The following ASAH2 variants were observed in gnomAD, a reference collection of about 807,000 sequenced individuals.
ASAH2 encodes N-acylsphingosine amidohydrolase 2.
In ASAH2, 58 loss-of-function variants were observed where a neutral mutation model predicts 82.9. The observed-to-expected ratio is 0.70, with a 90% CI of 0.57 to 0.87. ASAH2 has a LOEUF of 0.87. Ranked by LOEUF, ASAH2 falls within the 40% of genes least tolerant of loss-of-function variation. The probability of loss-of-function intolerance (pLI) is 0.00; values close to 1 mark genes in which losing one functional copy is unlikely to be tolerated. For synonymous variants in ASAH2, 276 were observed against 289.7 expected (o/e 0.95, Z 0.48); for missense variants, 779 against 834.0 (o/e 0.93, Z 0.81).
chr10:50,249,593 T>G (rs1486686756), intron 1 of ASAH2, among the ~76,000 whole-genome samples: 12 of 152,352 alleles, frequency 7.9e-5, no homozygotes, highest in Admixed American at 7.2e-4. Context: ...AATAGGAATA[T>G]GATTATGATC....
intron 12 of ASAH2, 35 bp from the exon 13 acceptor site, chr10:50,206,132 AAC>A (rs1845289350): frequency 2.1e-6 from 3 of 1,430,980 alleles, no homozygotes; most frequent in Non-Finnish European, 3.0e-6. Context: ...TACTTCCTTG[AAC>A]CAACCCTCTC....
intron 1 of ASAH2, among the ~76,000 whole-genome samples, chr10:50,249,930 C>T (rs1203392924): frequency 6.6e-6 from 1 of 152,094 alleles, no homozygotes; most frequent in Non-Finnish European, 1.5e-5. Context: ...GATGCTGCTA[C>T]CCCCAAGAGT....
chr10:50,248,328 G>T (rs1846526794), intron 2 of ASAH2, among the ~76,000 whole-genome samples, 156 bp downstream of exon 2: 1 of 152,220 alleles, frequency 6.6e-6, no homozygotes, highest in Non-Finnish European at 1.5e-5. Context: ...TATCAATGCA[G>T]AATGGGCAAT....
chr10:50,216,197 C>T (rs2842112), intron 8 of ASAH2, among the ~76,000 whole-genome samples: 114,411 of 151,514 alleles, frequency 0.76, 45,445 homozygotes, highest in Non-Finnish European at 0.88. Flanking sequence ...AGGAGAAATA[C>T]CTAAGGTAGA....
intron 4 of ASAH2, among the ~76,000 whole-genome samples, chr10:50,236,831 T>G (rs1846172549): frequency 6.6e-6 from 1 of 152,154 alleles, no homozygotes; most frequent in Non-Finnish European, 1.5e-5. Flanking sequence ...CTCGTCTAAC[T>G]AGAGAACCAG....
At position 50,202,918 on chromosome 10, in the gene ASAH2, C is replaced by A. The variant is rs1189053980; in HGVS notation, c.1672G>T (p.Ala558Ser). Residue 558 changes from alanine to serine, a missense_variant, in exon 16 of 21, where the codon GCA (alanine) becomes TCA (serine). Transcript: ENST00000682911. ...RLREAVQAEF[A>S]SHGMQNMTVV... is the part of the protein sequence containing the mutation. ...GTCATGTTCTGCATCCCATGAGATG[C>A]AAATTCCTAGGAGAGAAAGGTAAAA... The A allele has an allele frequency of 1.9e-6, 3 of 1,606,358 alleles. No individual in the cohort carries two copies. Among genetic ancestry groups the A allele is most frequent in the Admixed American group, 1.7e-5 (1 of 59,846 alleles).
At chr10:50,220,160 A>G (rs1845704078) in intron 7 of ASAH2, among the ~76,000 whole-genome samples, 1 of 152,242 alleles carries the variant, frequency 6.6e-6, no homozygotes, top group Non-Finnish European at 1.5e-5. Context: ...TGATATAATC[A>G]GGGAAGACCG....
intron 3 of ASAH2, 97 bp downstream of exon 3, chr10:50,245,125 T>C (rs1395453534): frequency 9.5e-7 from 1 of 1,054,500 alleles, no homozygotes; most frequent in Non-Finnish European, 1.4e-6. Flanking sequence ...TAAAAGAAGA[T>C]AATGATGATG....
At chr10:50,247,265 G>T (rs1296598767) in intron 2 of ASAH2, among the ~76,000 whole-genome samples, 1 of 151,318 alleles carries the variant, frequency 6.6e-6, no homozygotes, top group Non-Finnish European at 1.5e-5. Flanking sequence ...CGATTCTCCT[G>T]CCTTGCCTCA....
intron 8 of ASAH2, 101 bp downstream of exon 8, chr10:50,218,409 T>C: frequency 4.6e-6 from 7 of 1,514,956 alleles, no homozygotes; most frequent in Non-Finnish European, 6.4e-6. Flanking sequence ...AGATTGATGA[T>C]GACACTTTAT....
At chr10:50,207,248 C>A (rs1845324550) in intron 12 of ASAH2, among the ~76,000 whole-genome samples, 1 of 151,672 alleles carries the variant, frequency 6.6e-6, no homozygotes, top group African/African-American at 2.4e-5. Context: ...AAACCAATAA[C>A]CTAACTTCCA....
intron 4 of ASAH2, chr10:50,240,472 C>A (rs1413310846): frequency 2.8e-6 from 2 of 702,220 alleles, no homozygotes; most frequent in African/African-American, 1.7e-5. Flanking sequence ...TATCAAACAT[C>A]CCTACCTGCT....
Position 50,213,077 on chromosome 10 carries a change from T to TG in ASAH2, c.1141-20dup. 6.3e-7 allele frequency: 1 copy of TG among 1,587,610 alleles called. No homozygotes were observed. ...TGCTAGGCTGGAACAAAATAAGATA[T>TG]GATGCATTCTTGGCCAAGTAAGAAA... is the stretch of plus-strand genomic sequence containing the variant. On this transcript the variant is annotated intron_variant, in intron 9 of 20. Coordinates refer to ENST00000682911, the MANE Select transcript of ASAH2 (RefSeq NM_019893.4).
intron 8 of ASAH2, among the ~76,000 whole-genome samples, chr10:50,218,046 C>A (rs536715889): frequency 6.6e-6 from 1 of 152,216 alleles, no homozygotes; most frequent in South Asian, 2.1e-4. Context: ...AGTTGCTGAA[C>A]CTGGGAGGCA....
chr10:50,193,300 C>T (rs1229048141), intron 18 of ASAH2, among the ~76,000 whole-genome samples: 2 of 151,818 alleles, frequency 1.3e-5, no homozygotes, highest in East Asian at 1.9e-4. Context: ...TTACGGGCCA[C>T]GGCAGAAGGA....
chr10:50,210,894 C>CGG lies in ASAH2; in HGVS notation c.1342_1343insCC (p.Cys448SerfsTer88). On this transcript the variant is annotated frameshift_variant, in exon 12 of 21. Coordinates refer to ENST00000682911, the MANE Select transcript of ASAH2 (RefSeq NM_019893.4). LOFTEE classifies it high-confidence loss of function. ...AAAACTGTAGCCCAATGCTGGTTTA[C>CGG]ATGTTTTTGACTAAAGGAAAAGTTT... 1 of 1,613,466 alleles carries CGG rather than the reference C, an allele frequency of 6.2e-7. No individual in the cohort carries two copies. Among genetic ancestry groups the CGG allele is most frequent in the African/African-American group, 1.3e-5 (1 of 74,978 alleles).
At chr10:50,230,163 G>A (rs1009134395) in intron 7 of ASAH2, among the ~76,000 whole-genome samples, 19 of 152,228 alleles carry the variant, frequency 1.2e-4, no homozygotes, top group African/African-American at 3.9e-4. Context: ...GAAGTATTGC[G>A]TGGCTCATAG....
At chr10:50,209,090 C>T (rs1316816566) in intron 12 of ASAH2, among the ~76,000 whole-genome samples, 1 of 151,922 alleles carries the variant, frequency 6.6e-6, no homozygotes, top group Non-Finnish European at 1.5e-5. Flanking sequence ...TAGCCATATG[C>T]AAAAGAATAA....
intron 9 of ASAH2, 36 bp from the exon 10 acceptor site, chr10:50,213,094 A>G (rs888333430): frequency 7.2e-6 from 11 of 1,527,996 alleles, no homozygotes; most frequent in Non-Finnish European, 9.1e-6. Context: ...TTCTTGGCCA[A>G]GTAAGAAATT....
Sources: gnomAD v4.1 joint callset for allele counts (sites outside exome capture counted in the v4.1 genomes callset) on GRCh38, gnomAD v4.1.1 for gene constraint, MANE v1.5 for transcripts, NCBI Gene and HGNC (gene_info 2026-07-23, HGNC 2026-07-21) for gene names.